Variants in SNX2 observed in about 807,000 individuals in gnomAD.
The protein encoded by SNX2 is sorting nexin-2.
Under a neutral mutation model 69.9 loss-of-function variants are expected in SNX2, and 25 were observed. That is an observed-to-expected ratio of 0.36 (90% CI 0.26 to 0.50). The LOEUF is 0.50. Among genes scored for constraint, SNX2 ranks in the 20% least tolerant of loss-of-function variants. SNX2 has a pLI of 0.97. For missense variants in SNX2, 551 were observed against 613.3 expected (o/e 0.90, Z 1.07); for synonymous variants, 229 against 200.4 (o/e 1.14, Z -1.20).
chr5:122,833,786 AGAGT>A lies in SNX2; in HGVS notation c.*4139_*4142del, dbSNP rs1279500917. On this transcript the variant is annotated 3_prime_UTR_variant, in exon 15 of 15. Coordinates refer to ENST00000379516, the MANE Select transcript of SNX2 (RefSeq NM_003100.4). ...GAGTTTACTGTGGAAATGAAAATGCAGAGTAAGTCCAACAGCTAGTTTATCATCC... is the reference window on the plus strand; with the variant it reads ...GAGTTTACTGTGGAAATGAAAATGCAAAGTCCAACAGCTAGTTTATCATCC... The A allele has an allele frequency of 1.3e-5, 2 of 152,164 alleles. No individual in the cohort carries two copies. Among genetic ancestry groups the A allele is most frequent in the Non-Finnish European group, 2.9e-5 (2 of 67,990 alleles). The allele number at this position is 152,164 out of a possible 1,614,324, so 9.4% of individuals were successfully genotyped here.
At chr5:122,786,267 CAT>C (rs1477030787) in intron 1 of SNX2, among the ~76,000 whole-genome samples, 2 of 151,944 alleles carry the variant, frequency 1.3e-5, no homozygotes, top group African/African-American at 2.4e-5. Flanking sequence ...TTTTAGGCAA[CAT>C]GTGTGTAGTT....
intron 1 of SNX2, chr5:122,775,640 G>A: frequency 2.0e-6 from 2 of 988,122 alleles, no homozygotes; most frequent in Non-Finnish European, 2.4e-6. Context: ...GGAGCGCAAT[G>A]AAGTGAGCGC....
At chr5:122,811,726 G>A (rs1403588706) in intron 7 of SNX2, among the ~76,000 whole-genome samples, 1 of 152,034 alleles carries the variant, frequency 6.6e-6, no homozygotes, top group Admixed American at 6.6e-5. Context: ...AGCTACTTGG[G>A]AGGCTGAGGC....
At chr5:122,808,838 C>T (rs1036334712) in intron 7 of SNX2, 1 of 152,114 alleles carries the variant, frequency 6.6e-6, no homozygotes, top group Non-Finnish European at 1.5e-5. Flanking sequence ...GATAGTATAG[C>T]TAATTATAGT....
intron 7 of SNX2, among the ~76,000 whole-genome samples, chr5:122,814,404 AC>A (rs1561468171): frequency 6.6e-6 from 1 of 152,174 alleles, no homozygotes; most frequent in Non-Finnish European, 1.5e-5. Context: ...TATCGAAGAT[AC>A]CTGTTAAATG....
chr5:122,811,857 A>ATAAATAAATAAATAAG (rs748064671), intron 7 of SNX2, among the ~76,000 whole-genome samples: 2 of 151,542 alleles, frequency 1.3e-5, no homozygotes, highest in East Asian at 3.9e-4. Context: ...AAATAAATAA[A>ATAAATAAATAAATAAG]TAAAATGTAG....
chr5:122,812,231 A>G lies in SNX2; in HGVS notation c.723-3665A>G, dbSNP rs916788284. ...CCCCATGCCCCCATTTTACTCAATAAAAGCCAGAGTCCTTTTAATGGACTA... is the reference window on the plus strand; with the variant it reads ...CCCCATGCCCCCATTTTACTCAATAGAAGCCAGAGTCCTTTTAATGGACTA... On this transcript the variant is annotated intron_variant, in intron 7 of 14. Transcript: ENST00000379516. Among the ~76,000 whole-genome samples, 7 of 152,318 alleles carry G rather than the reference A, an allele frequency of 4.6e-5. No individual in the cohort carries two copies. In the East Asian group the frequency reaches 1.4e-3, roughly 29 times the overall value.
intron 7 of SNX2, among the ~76,000 whole-genome samples, chr5:122,810,399 T>A (rs6877774): frequency 0.61 from 75,046 of 122,436 alleles, 21,940 homozygotes; most frequent in African/African-American, 0.71. Context: ...AATGATCAAT[T>A]AAAAAAAAAA....
chr5:122,795,876 G>A (rs1201725189), intron 2 of SNX2, among the ~76,000 whole-genome samples: 1 of 152,038 alleles, frequency 6.6e-6, no homozygotes, highest in Non-Finnish European at 1.5e-5. Context: ...TTGATACAGG[G>A]GCAGGATTTG....
chr5:122,784,087 A>G (rs192148055), intron 1 of SNX2, among the ~76,000 whole-genome samples: 6 of 151,960 alleles, frequency 3.9e-5, no homozygotes, highest in Admixed American at 1.3e-4. Context: ...TTGACCCTGT[A>G]TGATAGCAAC....
rs1433796587 is a variant in SNX2, at chr5:122,831,628, A to G, written c.*1980A>G. Reference sequence around the variant, plus strand: ...AGAAACGAATAATTCATAGTAATATATATCAGATGCTATCTTGTTGCTCCA... The same window carrying G: ...AGAAACGAATAATTCATAGTAATATGTATCAGATGCTATCTTGTTGCTCCA... On this transcript the variant is annotated 3_prime_UTR_variant, in exon 15 of 15. Transcript: ENST00000379516. Among the ~76,000 whole-genome samples, 1 of 152,246 alleles carries G rather than the reference A, an allele frequency of 6.6e-6. No homozygotes were observed. Among genetic ancestry groups the G allele is most frequent in the Non-Finnish European group, 1.5e-5 (1 of 68,046 alleles).
chr5:122,775,029 G>T, upstream of SNX2: 1 of 1,388,646 alleles, frequency 7.2e-7, no homozygotes, highest in South Asian at 1.5e-5. Flanking sequence ...TGGCGGGTCG[G>T]CGCGGGCCCA....
chr5:122,816,003 A>C, intron 8 of SNX2, 32 bp downstream of exon 8: 1 of 1,214,168 alleles, frequency 8.2e-7, no homozygotes, highest in Non-Finnish European at 1.2e-6. Context: ...TTTGTATATG[A>C]ATGTTCTCGT....
chr5:122,793,731 G>GA (rs1201905455), intron 1 of SNX2, among the ~76,000 whole-genome samples: 6 of 149,934 alleles, frequency 4.0e-5, no homozygotes, highest in Middle Eastern at 3.5e-3. Flanking sequence ...CCAACATGGT[G>GA]AACCCCATCT....
intron 1 of SNX2, among the ~76,000 whole-genome samples, chr5:122,782,008 A>G (rs1752989224): frequency 6.6e-6 from 1 of 152,142 alleles, no homozygotes; most frequent in Non-Finnish European, 1.5e-5. Context: ...CAACTCTACC[A>G]CAGAAATCAG....
chr5:122,816,817 TGGGGGGGAGGGGGGAGGA>T lies in SNX2; in HGVS notation c.799-91_799-74del, dbSNP rs995804901. ...CAACCTCTTTTTTAAAATTTGTATG[TGGGGGGGAGGGGGGAGGA>T]GGGGGGATCACTTTTGTGCCTAGTT... On this transcript the variant is annotated intron_variant, in intron 8 of 14. Transcript: ENST00000379516. 15 of 412,538 alleles carry T rather than the reference TGGGGGGGAGGGGGGAGGA, an allele frequency of 3.6e-5. No homozygotes were observed. The African/African-American group carries it at 6.4e-4, about 18-fold the overall frequency. 25.6% of individuals were successfully genotyped at this position (412,538 alleles called of 1,614,324 possible). A position where few individuals can be genotyped will look rare whatever the true frequency, so the allele number is the denominator to read the frequency against.
Position 122,831,608 on chromosome 5 carries a change from C to G in SNX2, c.*1960C>G, listed in dbSNP as rs978165397. 1.3e-5 allele frequency among the ~76,000 whole-genome samples: 2 copies of G among 152,088 alleles called. No homozygotes were observed. Among genetic ancestry groups the G allele is most frequent in the East Asian group, 1.9e-4 (1 of 5,202 alleles). ...TGCTTCTGGGAATACTTTTCAGAAA[C>G]GAATAATTCATAGTAATATATATCA... On this transcript the variant is annotated 3_prime_UTR_variant, in exon 15 of 15. Coordinates refer to ENST00000379516, the MANE Select transcript of SNX2 (RefSeq NM_003100.4).
Position 122,829,981 on chromosome 5 carries a change from T to C in SNX2, c.*333T>C, listed in dbSNP as rs759510539. ...TTTACAATATTTTTTCTTTACAATA[T>C]GTTCTGTAGTATGTTTACCCTCTTT... On this transcript the variant is annotated 3_prime_UTR_variant, in exon 15 of 15. Transcript: ENST00000379516. 7 of 260,224 alleles carry C rather than the reference T, an allele frequency of 2.7e-5. No homozygotes were observed. Among genetic ancestry groups the C allele is most frequent in the South Asian group, 1.2e-4 (2 of 16,260 alleles). 16.1% of individuals were successfully genotyped at this position (260,224 alleles called of 1,614,324 possible).
At chr5:122,782,424 A>C (rs1752998411) in intron 1 of SNX2, among the ~76,000 whole-genome samples, 1 of 151,702 alleles carries the variant, frequency 6.6e-6, no homozygotes, top group Non-Finnish European at 1.5e-5. Flanking sequence ...TTTTTAGTAG[A>C]GACAAGGTTT....
Sources: gnomAD v4.1 joint callset for allele counts (sites outside exome capture counted in the v4.1 genomes callset) on GRCh38, gnomAD v4.1.1 for gene constraint, MANE v1.5 for transcripts, NCBI Gene and HGNC (gene_info 2026-07-23, HGNC 2026-07-21) for gene names.